IFNAR1: variants seen among roughly 807,000 people sequenced by gnomAD.
The protein encoded by IFNAR1 is interferon alpha/beta receptor 1.
IFNAR1 carries 47 observed loss-of-function variants against 62.1 expected under a neutral mutation model. The ratio of observed to expected loss-of-function variants is 0.76; its 90% CI spans 0.60 to 0.97. IFNAR1 has a LOEUF of 0.97. Ranked by LOEUF, IFNAR1 falls within the 50% of genes least tolerant of loss-of-function variation. The pLI, the probability that IFNAR1 is intolerant of heterozygous loss-of-function variation, is 0.00. For missense variants in IFNAR1, 638 were observed against 654.5 expected (o/e 0.97, Z 0.27); for synonymous variants, 219 against 226.9 (o/e 0.97, Z 0.31).
chr21:33,330,119 G>T (rs535106175), intron 1 of IFNAR1, among the ~76,000 whole-genome samples: 32 of 152,318 alleles, frequency 2.1e-4, no homozygotes, highest in South Asian at 4.1e-4. Context: ...GCAGACAGCT[G>T]TGCACGTTAT....
chr21:33,345,591 A>G (rs1264045354), intron 6 of IFNAR1, among the ~76,000 whole-genome samples: 1 of 152,236 alleles, frequency 6.6e-6, no homozygotes, highest in African/African-American at 2.4e-5. Context: ...CACTTGTAAA[A>G]TAGATGGATT....
At chr21:33,331,690 A>G (rs1055465836) in intron 1 of IFNAR1, among the ~76,000 whole-genome samples, 4 of 152,048 alleles carry the variant, frequency 2.6e-5, no homozygotes, top group Non-Finnish European at 4.4e-5. Flanking sequence ...GGTACTGCTT[A>G]TCCCTAGCTA....
chr21:33,353,824 T>C, intron 10 of IFNAR1, 41 bp downstream of exon 10: 1 of 1,286,296 alleles, frequency 7.8e-7, no homozygotes, highest in South Asian at 1.3e-5. Context: ...AGCTAGGTAA[T>C]GAACAGAAAA....
chr21:33,347,215 C>T (rs905477172), intron 6 of IFNAR1, among the ~76,000 whole-genome samples: 8 of 151,682 alleles, frequency 5.3e-5, no homozygotes, highest in South Asian at 2.1e-4. Context: ...CTGCAACCTC[C>T]GCGTCCTGGG....
At chr21:33,335,748 AT>A (rs1266368702) in intron 2 of IFNAR1, 101 bp downstream of exon 2, 21 of 1,014,960 alleles carry the variant, frequency 2.1e-5, no homozygotes, top group African/African-American at 1.6e-4. Context: ...TGGTTTTTCT[AT>A]TTTTTAGAAA....
intron 10 of IFNAR1, among the ~76,000 whole-genome samples, chr21:33,354,260 T>C (rs895560325): frequency 6.6e-6 from 1 of 152,020 alleles, no homozygotes; most frequent in African/African-American, 2.4e-5. Flanking sequence ...GGGGATCGCT[T>C]GAACCTGGGA....
intron 6 of IFNAR1, among the ~76,000 whole-genome samples, chr21:33,346,870 G>T (rs1295810535): frequency 6.6e-6 from 1 of 152,176 alleles, no homozygotes; most frequent in African/African-American, 2.4e-5. Context: ...ACAACTATTA[G>T]ATGTTAGTTT....
chr21:33,334,919 G>C, intron 1 of IFNAR1: 1 of 1,557,028 alleles, frequency 6.4e-7, no homozygotes, highest in East Asian at 2.3e-5. Flanking sequence ...CCTGCAGTGG[G>C]AGATGGGGCA....
chr21:33,349,069 T>C, intron 6 of IFNAR1, 22 bp from the exon 7 acceptor site: 1 of 1,452,010 alleles, frequency 6.9e-7, no homozygotes, highest in Non-Finnish European at 9.5e-7. Flanking sequence ...CTAATGAATT[T>C]AAAAAATATT....
At chr21:33,333,509 A>C (rs545011482) in intron 1 of IFNAR1, among the ~76,000 whole-genome samples, 1 of 151,882 alleles carries the variant, frequency 6.6e-6, no homozygotes, top group African/African-American at 2.4e-5. Flanking sequence ...GGCAAAGGAT[A>C]TTATTAGAAA....
chr21:33,333,458 CCAT>C, intron 1 of IFNAR1, among the ~76,000 whole-genome samples: 1 of 152,104 alleles, frequency 6.6e-6, no homozygotes, highest in Middle Eastern at 3.4e-3. Flanking sequence ...CCTTATCAAA[CCAT>C]CAAACCACAA....
Position 33,355,447 on chromosome 21 carries a change from TA to T in IFNAR1, c.1578del (p.Lys526AsnfsTer36). The T allele has an allele frequency of 6.2e-7, 1 of 1,604,256 alleles. No homozygotes were observed. Among genetic ancestry groups the T allele is most frequent in the South Asian group, 1.1e-5 (1 of 89,488 alleles). On this transcript the variant is annotated frameshift_variant, in exon 11 of 11. Coordinates refer to ENST00000270139, the MANE Select transcript of IFNAR1 (RefSeq NM_000629.3). LOFTEE classifies it high-confidence loss of function. ...EETNQTDEDH[K>X]KYSSQTSQDS... Reference sequence around the variant, plus strand: ...AAACTAATCAAACTGATGAAGATCATAAAAAATACAGTTCCCAAACTAGCCA... The same window carrying T: ...AAACTAATCAAACTGATGAAGATCATAAAAATACAGTTCCCAAACTAGCCA...
chr21:33,350,178 C>T (rs749372042), intron 8 of IFNAR1, among the ~76,000 whole-genome samples: 8 of 150,128 alleles, frequency 5.3e-5, no homozygotes, highest in Non-Finnish European at 1.0e-4. Flanking sequence ...CTGGATAGTT[C>T]CTTGGGAGGG....
At chr21:33,351,607 C>T (rs746377224) in intron 8 of IFNAR1, among the ~76,000 whole-genome samples, 4 of 148,830 alleles carry the variant, frequency 2.7e-5, no homozygotes, top group Non-Finnish European at 5.9e-5. Context: ...GGAGTGCACT[C>T]ATGTGATGTC....
chr21:33,351,562 T>A (rs1242074615), intron 8 of IFNAR1, among the ~76,000 whole-genome samples: 3 of 151,256 alleles, frequency 2.0e-5, no homozygotes, highest in African/African-American at 7.3e-5. Context: ...ATTTTTTTTT[T>A]TTTTGAGACA....
chr21:33,345,207 A>G, intron 5 of IFNAR1, 39 bp from the exon 6 acceptor site: 1 of 989,906 alleles, frequency 1.0e-6, no homozygotes. Flanking sequence ...CACTTGAGTA[A>G]AAATGTGTGC....
chr21:33,345,511 C>G, intron 6 of IFNAR1, 151 bp downstream of exon 6: 1 of 631,868 alleles, frequency 1.6e-6, no homozygotes, highest in Non-Finnish European at 2.8e-6. Context: ...CATTTCTAAC[C>G]CCAGTTCTGC....
At position 33,353,679 on chromosome 21, in the gene IFNAR1, G is replaced by T. The variant is rs1335092462; in HGVS notation, c.1336G>T (p.Ala446Ser). 2 of 1,575,902 alleles carry T rather than the reference G, an allele frequency of 1.3e-6. No individual in the cohort carries two copies. The highest frequency in any genetic ancestry group is 1.7e-6 in the Non-Finnish European group (2 of 1,163,148). ...KIWLIVGICI[A>S]LFALPFVIYA... ...TTGGCTTATAGTTGGAATTTGTATT[G>T]CATTATTTGCTCTCCCGTTTGTCAT... The change falls in exon 10 of 11, where the codon GCA becomes TCA. Residue 446 changes from alanine (A) to serine (S), a missense_variant. By Grantham distance (99) the Ala-to-Ser change is moderately conservative. Transcript: ENST00000270139.
chr21:33,357,437 G>C lies in IFNAR1; in HGVS notation c.*1888G>C, dbSNP rs1290075842. Reference sequence around the variant, plus strand: ...GGAGTGCTTCAAGCAGAGCATGGTGGGTCATTGAGGAGACCCAGGAATCTC... The same window carrying C: ...GGAGTGCTTCAAGCAGAGCATGGTGCGTCATTGAGGAGACCCAGGAATCTC... On this transcript the variant is annotated 3_prime_UTR_variant, in exon 11 of 11. Coordinates refer to ENST00000270139, the MANE Select transcript of IFNAR1 (RefSeq NM_000629.3). 6.6e-6 allele frequency: 1 copy of C among 152,110 alleles called. No homozygotes were observed. The highest frequency in any genetic ancestry group is 1.9e-4 in the East Asian group (1 of 5,192). 9.4% of individuals were successfully genotyped at this position (152,110 alleles called of 1,614,324 possible). A position where few individuals can be genotyped will look rare whatever the true frequency, so the allele number is the denominator to read the frequency against.
Sources: allele counts gnomAD v4.1 joint callset (sites outside exome capture counted in the v4.1 genomes callset), GRCh38; gene constraint gnomAD v4.1.1; transcripts MANE v1.5; gene names NCBI Gene and HGNC (gene_info 2026-07-23, HGNC 2026-07-21).